SPAST: variants seen among roughly 807,000 people sequenced by gnomAD.
The protein encoded by SPAST is spastin.
SPAST carries 30 observed loss-of-function variants against 76.6 expected under a neutral mutation model. The observed-to-expected ratio is 0.39, with a 90% CI of 0.29 to 0.53. The LOEUF (loss-of-function observed/expected upper bound fraction) is 0.53, where lower values mean the gene tolerates loss of function less well. Ranked by LOEUF, SPAST falls within the 20% of genes least tolerant of loss-of-function variation. The pLI, the probability that SPAST is intolerant of heterozygous loss-of-function variation, is 0.68. For missense variants in SPAST, 717 were observed against 770.5 expected, an observed-to-expected ratio of 0.93 and a Z score of 0.82; for synonymous variants, 305 against 281.0, an observed-to-expected ratio of 1.09 and a Z score of -0.86.
At chr2:32,102,729 A>T (rs1402779991) in intron 4 of SPAST, among the ~76,000 whole-genome samples, 1 of 152,156 alleles carries the variant, frequency 6.6e-6, no homozygotes, top group African/African-American at 2.4e-5. Flanking sequence ...TGAGATAATC[A>T]TGTGGTTTTT....
intron 12 of SPAST, among the ~76,000 whole-genome samples, chr2:32,138,245 T>C (rs1679605900): frequency 6.6e-6 from 1 of 152,242 alleles, no homozygotes; most frequent in Non-Finnish European, 1.5e-5. Flanking sequence ...AACTGCTTTC[T>C]ACAATGACTG....
intron 1 of SPAST, among the ~76,000 whole-genome samples, chr2:32,070,034 A>C (rs1676684282): frequency 6.7e-6 from 1 of 148,384 alleles, no homozygotes; most frequent in Non-Finnish European, 1.5e-5. Context: ...TTTATTCTGA[A>C]TTTTATTCTT....
At chr2:32,097,856 G>C (rs987919466) in intron 3 of SPAST, among the ~76,000 whole-genome samples, 1 of 151,954 alleles carries the variant, frequency 6.6e-6, no homozygotes, top group Non-Finnish European at 1.5e-5. Context: ...ACCACGCCCG[G>C]ATACTTTTTT....
intron 16 of SPAST, among the ~76,000 whole-genome samples, chr2:32,152,264 A>G (rs1680113110): frequency 6.6e-6 from 1 of 152,144 alleles, no homozygotes; most frequent in Non-Finnish European, 1.5e-5. Flanking sequence ...TTACATCAAC[A>G]TCTTTTAAAA....
At chr2:32,109,580 A>G (rs1487266626) in intron 4 of SPAST, among the ~76,000 whole-genome samples, 1 of 150,672 alleles carries the variant, frequency 6.6e-6, no homozygotes, top group Non-Finnish European at 1.5e-5. Context: ...TGCTTCTATA[A>G]TGATTCCTTT....
chr2:32,112,832 T>G (rs1035929287), intron 4 of SPAST, among the ~76,000 whole-genome samples: 2 of 150,182 alleles, frequency 1.3e-5, no homozygotes, highest in African/African-American at 4.9e-5. Flanking sequence ...AATTGAGGCT[T>G]TTGTCTTTTT....
Position 32,091,292 on chromosome 2 carries a change from ATTATTC to A in SPAST, c.586+1688_586+1693del, listed in dbSNP as rs1399948356. ...TATTATTATTATTATTATTATTATT[ATTATTC>A]GAGATGGAGTCTTGCTTTGTTGCCC... On this transcript the variant is annotated intron_variant, in intron 3 of 16. Coordinates refer to ENST00000315285, the MANE Select transcript of SPAST (RefSeq NM_014946.4). Among the ~76,000 whole-genome samples the A allele has an allele frequency of 5.8e-3, 565 of 97,508 alleles. 2 individuals are homozygous for A. Among genetic ancestry groups the A allele is most frequent in the Middle Eastern group, 0.032 (6 of 186 alleles). The allele number at this position is 97,508 out of a possible 152,430, so 64.0% of individuals were successfully genotyped here. A position where few individuals can be genotyped will look rare whatever the true frequency, so the allele number is the denominator to read the frequency against.
At chr2:32,112,837 C>CTT (rs35203919) in intron 4 of SPAST, among the ~76,000 whole-genome samples, 3 of 150,890 alleles carry the variant, frequency 2.0e-5, no homozygotes, top group East Asian at 3.9e-4. Flanking sequence ...AGGCTTTTGT[C>CTT]TTTTTTTTTG....
intron 4 of SPAST, among the ~76,000 whole-genome samples, chr2:32,113,867 C>T (rs1367399515): frequency 1.3e-5 from 2 of 151,870 alleles, no homozygotes; most frequent in Admixed American, 1.3e-4. Flanking sequence ...GCGCCCGGCG[C>T]TTCATAACCT....
intron 8 of SPAST, chr2:32,127,422 C>G (rs116750165): frequency 5.1e-4 from 98 of 193,664 alleles, no homozygotes; most frequent in African/African-American, 2.2e-3. Flanking sequence ...CTGGCTGATA[C>G]ACTTTTAAGT....
At chr2:32,152,809 A>G (rs1680131887) in intron 16 of SPAST, among the ~76,000 whole-genome samples, 1 of 151,478 alleles carries the variant, frequency 6.6e-6, no homozygotes, top group Non-Finnish European at 1.5e-5. Context: ...ATACATTGGC[A>G]TGCTCATGGC....
Position 32,143,316 on chromosome 2 carries a change from C to T in SPAST, c.1537-20C>T. The T allele has an allele frequency of 1.5e-6, 2 of 1,341,888 alleles. No homozygotes were observed. The highest frequency in any genetic ancestry group is 2.1e-6 in the Non-Finnish European group (2 of 935,482). 83.1% of individuals were successfully genotyped at this position (1,341,888 alleles called of 1,614,324 possible). On this transcript the variant is annotated intron_variant, in intron 13 of 16. Coordinates refer to ENST00000315285, the MANE Select transcript of SPAST (RefSeq NM_014946.4). ...TAATTCTGAAATTAGACTGAATGAT[C>T]ATTTTTTAATATTTTTCAGACAAGA...
rs1248709028 is a variant in SPAST at position 32,117,603 on chromosome 2, C to T, written c.1098+1391C>T. ...CTGGAGTGCAGTGGCTTGATGTTGG[C>T]TCACTGCAACCTCTGCCTTTGGGGT... On this transcript the variant is annotated intron_variant, in intron 7 of 16. Coordinates refer to ENST00000315285, the MANE Select transcript of SPAST (RefSeq NM_014946.4). 2.1e-5 allele frequency among the ~76,000 whole-genome samples: 3 copies of T among 144,086 alleles called. No individual in the cohort carries two copies. In the East Asian group the frequency reaches 6.3e-4, roughly 30 times the overall value. 94.5% of individuals were successfully genotyped at this position (144,086 alleles called of 152,430 possible).
At chr2:32,080,911 C>T (rs1677195911) in intron 1 of SPAST, among the ~76,000 whole-genome samples, 1 of 149,544 alleles carries the variant, frequency 6.7e-6, no homozygotes, top group Admixed American at 6.7e-5. Flanking sequence ...TCTCCTGCCT[C>T]AGCCTCCAGA....
chr2:32,128,625 T>C, intron 9 of SPAST, 146 bp downstream of exon 9: 1 of 669,586 alleles, frequency 1.5e-6, no homozygotes, highest in Non-Finnish European at 2.7e-6. Context: ...AATATCTATC[T>C]TCAGAGTAGA....
intron 12 of SPAST, 98 bp downstream of exon 12, chr2:32,137,286 T>G: frequency 1.0e-6 from 1 of 992,844 alleles, no homozygotes; most frequent in Non-Finnish European, 1.6e-6. Flanking sequence ...GTTTTAAGAC[T>G]AAATTCACTA....
At chr2:32,097,698 C>CTTTT (rs11442450) in intron 3 of SPAST, among the ~76,000 whole-genome samples, 1 of 130,514 alleles carries the variant, frequency 7.7e-6, no homozygotes. Context: ...TTTTTCTTTT[C>CTTTT]TTTTTTTTTT....
At chr2:32,132,049 A>T (rs1171700494) in intron 9 of SPAST, among the ~76,000 whole-genome samples, 1 of 152,086 alleles carries the variant, frequency 6.6e-6, no homozygotes, top group East Asian at 1.9e-4. Context: ...CATGATCTTA[A>T]CCCCCAATTC....
At chr2:32,070,879 A>C (rs1210202153) in intron 1 of SPAST, among the ~76,000 whole-genome samples, 1 of 152,214 alleles carries the variant, frequency 6.6e-6, no homozygotes, top group Middle Eastern at 3.2e-3. Flanking sequence ...TTCTTGGAAG[A>C]CTGAAAACCT....
Sources: gnomAD v4.1 joint callset for allele counts (sites outside exome capture counted in the v4.1 genomes callset) on GRCh38, gnomAD v4.1.1 for gene constraint, MANE v1.5 for transcripts, NCBI Gene and HGNC (gene_info 2026-07-23, HGNC 2026-07-21) for gene names.